Variants in FGF12 observed in about 807,000 individuals in gnomAD.
The protein encoded by FGF12 is fibroblast growth factor 12.
In FGF12, 14 loss-of-function variants were observed where a neutral mutation model predicts 23.6. The ratio of observed to expected loss-of-function variants is 0.59; its 90% CI spans 0.39 to 0.93. The LOEUF (loss-of-function observed/expected upper bound fraction) is 0.93, where lower values mean the gene tolerates loss of function less well. Among genes scored for constraint, FGF12 ranks in the 40% least tolerant of loss-of-function variants. The pLI, the probability that FGF12 is intolerant of heterozygous loss-of-function variation, is 0.00. For missense variants in FGF12, 175 were observed against 217.8 expected, an observed-to-expected ratio of 0.80 and a Z score of 1.24; for synonymous variants, 62 against 77.3, an observed-to-expected ratio of 0.80 and a Z score of 1.04.
At position 192,483,899 on chromosome 3, in the gene FGF12, G is replaced by A. The variant is rs543610859; in HGVS notation, c.14-123361C>T. On this transcript the variant is annotated intron_variant, in intron 2 of 5. Transcript: ENST00000445105. ...AAAATTGCTGTAAGGTTTAACAGGC[G>A]TATTGCTGTACATATGAAGGAGACA... Among the ~76,000 whole-genome samples the A allele has an allele frequency of 8.5e-5, 13 of 152,276 alleles. No individual in the cohort carries two copies. In the South Asian group the frequency reaches 1.9e-3, roughly 22 times the overall value.
At position 192,143,894 on chromosome 3, in the gene FGF12, C is replaced by A; in HGVS notation, c.*115G>T. Reference sequence around the variant, plus strand: ...GAGTGCAGAATCTTAGCCACTAGGTCTTGCGTTGTCATTTTATTTTCCTCT... The same window carrying A: ...GAGTGCAGAATCTTAGCCACTAGGTATTGCGTTGTCATTTTATTTTCCTCT... On this transcript the variant is annotated 3_prime_UTR_variant, in exon 6 of 6. Transcript: ENST00000445105. 1.4e-6 allele frequency: 1 copy of A among 702,776 alleles called. No homozygotes were observed. Among genetic ancestry groups the A allele is most frequent in the East Asian group, 2.6e-5 (1 of 38,912 alleles). 43.5% of individuals were successfully genotyped at this position (702,776 alleles called of 1,614,324 possible).
chr3:192,374,919 C>T (rs1260551492), intron 2 of FGF12, among the ~76,000 whole-genome samples: 2 of 152,162 alleles, frequency 1.3e-5, no homozygotes, highest in Non-Finnish European at 2.9e-5. Context: ...TTTATAGAAT[C>T]AAACCATTAC....
At chr3:192,519,519 A>G (rs1028903699) in intron 2 of FGF12, among the ~76,000 whole-genome samples, 3 of 152,128 alleles carry the variant, frequency 2.0e-5, no homozygotes, top group African/African-American at 7.2e-5. Flanking sequence ...TGTCTACTAG[A>G]TTTCCATATT....
At chr3:192,185,196 A>G (rs1716385975) in intron 4 of FGF12, among the ~76,000 whole-genome samples, 1 of 152,218 alleles carries the variant, frequency 6.6e-6, no homozygotes, top group Non-Finnish European at 1.5e-5. Context: ...CTGTCTTAAC[A>G]TAATGATCAC....
chr3:192,471,751 T>A (rs1723179261), intron 2 of FGF12, among the ~76,000 whole-genome samples: 1 of 152,224 alleles, frequency 6.6e-6, no homozygotes, highest in Non-Finnish European at 1.5e-5. Flanking sequence ...AATGAACATG[T>A]GTAGCTGAGT....
At chr3:192,559,124 T>C (rs983806505) in intron 2 of FGF12, among the ~76,000 whole-genome samples, 5 of 151,926 alleles carry the variant, frequency 3.3e-5, no homozygotes, top group African/African-American at 1.2e-4. Context: ...AAAAAGCTTC[T>C]GCCCAGCAAA....
intron 2 of FGF12, among the ~76,000 whole-genome samples, chr3:192,580,506 C>T (rs1054952113): frequency 3.9e-5 from 6 of 152,176 alleles, no homozygotes; most frequent in Non-Finnish European, 5.9e-5. Flanking sequence ...TAAGGTATAG[C>T]TCCACATAGT....
At chr3:192,242,788 A>G (rs1042718698) in intron 4 of FGF12, among the ~76,000 whole-genome samples, 9 of 152,122 alleles carry the variant, frequency 5.9e-5, no homozygotes, top group Non-Finnish European at 2.9e-5. Flanking sequence ...ATTTAGTAAA[A>G]GAAAATAACC....
At chr3:192,186,076 GAT>G (rs1484678891) in intron 4 of FGF12, among the ~76,000 whole-genome samples, 1 of 152,096 alleles carries the variant, frequency 6.6e-6, no homozygotes, top group African/African-American at 2.4e-5. Context: ...GTTTACAAAA[GAT>G]AGTGATTTTA....
At chr3:192,218,245 A>G (rs948790296) in intron 4 of FGF12, among the ~76,000 whole-genome samples, 3 of 152,176 alleles carry the variant, frequency 2.0e-5, no homozygotes, top group African/African-American at 7.2e-5. Context: ...GTGGCAGGGC[A>G]TTTGTGGCAT....
In FGF12 at chr3:192,716,306, C is replaced by T. The variant is rs139386510; in HGVS notation, c.13+10875G>A. ...CATAAACAATGCAATGTTTCCTGGA[C>T]CCAGCCAACAACGTCAACATCCCTG... On this transcript the variant is annotated intron_variant, in intron 2 of 5. Transcript: ENST00000445105. Among the ~76,000 whole-genome samples, 644 of 152,242 alleles carry T rather than the reference C, an allele frequency of 4.2e-3. 3 individuals carry two copies. The highest frequency in any genetic ancestry group is 0.015 in the African/African-American group (620 of 41,536).
intron 5 of FGF12, among the ~76,000 whole-genome samples, chr3:192,154,206 T>G (rs960713650): frequency 1.0e-5 from 1 of 99,798 alleles, no homozygotes; most frequent in Admixed American, 1.0e-4. Context: ...ATTCTAGTTA[T>G]ACATTCTTCT....
chr3:192,654,518 T>C (rs939631347), intron 2 of FGF12, among the ~76,000 whole-genome samples: 1 of 152,234 alleles, frequency 6.6e-6, no homozygotes, highest in Non-Finnish European at 1.5e-5. Context: ...AATAGCTCTG[T>C]CCTACTCTGG....
At chr3:192,512,847 T>A (rs1352674248) in intron 2 of FGF12, among the ~76,000 whole-genome samples, 2 of 125,514 alleles carry the variant, frequency 1.6e-5, no homozygotes, top group African/African-American at 5.9e-5. Flanking sequence ...TATATATATA[T>A]ATATATATAT....
intron 2 of FGF12, among the ~76,000 whole-genome samples, chr3:192,634,645 G>A (rs1715513593): frequency 1.3e-5 from 2 of 152,030 alleles, no homozygotes; most frequent in Non-Finnish European, 2.9e-5. Context: ...TCTCTCAAGA[G>A]TGTATACTGC....
chr3:192,586,121 G>C (rs6762751), intron 2 of FGF12, among the ~76,000 whole-genome samples: 6,733 of 152,152 alleles, frequency 0.044, 480 homozygotes, highest in African/African-American at 0.15. Context: ...GAATAAAAAG[G>C]TATGAGTCTT....
intron 4 of FGF12, among the ~76,000 whole-genome samples, chr3:192,274,367 A>T (rs1713643337): frequency 6.6e-6 from 1 of 152,202 alleles, no homozygotes; most frequent in Non-Finnish European, 1.5e-5. Context: ...CATACCAAAA[A>T]TAAATAACAG....
intron 2 of FGF12, among the ~76,000 whole-genome samples, chr3:192,628,448 C>T (rs1356769507): frequency 8.2e-5 from 2 of 24,494 alleles, no homozygotes; most frequent in South Asian, 1.9e-3. Context: ...GGAATACACA[C>T]ACACACACAC....
intron 5 of FGF12, among the ~76,000 whole-genome samples, chr3:192,159,735 T>A (rs983470976): frequency 9.9e-5 from 15 of 152,176 alleles, no homozygotes; most frequent in Non-Finnish European, 1.5e-5. Context: ...GTCTGAGACA[T>A]GTTTGTTTGT....
Sources: gnomAD v4.1 joint callset for allele counts (sites outside exome capture counted in the v4.1 genomes callset) on GRCh38, gnomAD v4.1.1 for gene constraint, MANE v1.5 for transcripts, NCBI Gene and HGNC (gene_info 2026-07-23, HGNC 2026-07-21) for gene names.